The following ZDHHC9 variants were observed in gnomAD, a reference collection of about 807,000 sequenced individuals.
ZDHHC9 encodes the protein palmitoyltransferase ZDHHC9.
ZDHHC9 carries 3 observed loss-of-function variants against 26.6 expected under a neutral mutation model. That is an observed-to-expected ratio of 0.11 (90% CI 0.05 to 0.29). The LOEUF is 0.29. Among genes scored for constraint, ZDHHC9 ranks in the 10% least tolerant of loss-of-function variants. ZDHHC9 has a pLI of 1.00. For missense variants in ZDHHC9, 146 were observed against 296.4 expected, an observed-to-expected ratio of 0.49 and a Z score of 3.73; for synonymous variants, 111 against 109.4, an observed-to-expected ratio of 1.01 and a Z score of -0.09.
At chrX:129,829,695 T>C (rs1928099224) in intron 3 of ZDHHC9, among the ~76,000 whole-genome samples, 1 of 111,980 alleles carries the variant, frequency 8.9e-6, no homozygotes, top group African/African-American at 3.2e-5. Context: ...GCAACATCCA[T>C]TCCTCTGGTC....
chrX:129,808,333 A>C (rs1165482957), intron 10 of ZDHHC9, among the ~76,000 whole-genome samples: 1 of 112,501 alleles, frequency 8.9e-6, no homozygotes, highest in East Asian at 2.8e-4. Flanking sequence ...ACAATGCTAA[A>C]GTAATCAAGA....
At chrX:129,812,942 T>C (rs893706322) in intron 7 of ZDHHC9, 122 bp from the exon 8 acceptor site, 27 of 523,715 alleles carry the variant, frequency 5.2e-5, no homozygotes, top group African/African-American at 4.6e-4. Flanking sequence ...AAAAGCCATG[T>C]TTCCATATAT....
intron 3 of ZDHHC9, 69 bp from the exon 4 acceptor site, chrX:129,829,210 T>TTGACATACTG: frequency 8.9e-7 from 1 of 1,123,756 alleles, no homozygotes; most frequent in Non-Finnish European, 1.2e-6. Context: ...GTTACCAGTA[T>TTGACATACTG]GTCAATCTGG....
chrX:129,813,837 G>T, intron 6 of ZDHHC9, 112 bp from the exon 7 acceptor site: 1 of 706,145 alleles, frequency 1.4e-6, no homozygotes, highest in Non-Finnish European at 2.2e-6. Context: ...TTACACACTG[G>T]CAAGAGCTAA....
intron 5 of ZDHHC9, among the ~76,000 whole-genome samples, chrX:129,820,880 G>C (rs1200609222): frequency 9.0e-6 from 1 of 111,107 alleles, no homozygotes; most frequent in Non-Finnish European, 1.9e-5. Flanking sequence ...CATCACCTAG[G>C]TATTAAGCCC....
At chrX:129,821,677 A>C (rs1927890587) in intron 5 of ZDHHC9, among the ~76,000 whole-genome samples, 1 of 108,474 alleles carries the variant, frequency 9.2e-6, no homozygotes, top group Admixed American at 9.8e-5. Context: ...TAATCTCAGC[A>C]CTTTGGGAGG....
In ZDHHC9 at chrX:129,806,092, G is replaced by A; in HGVS notation, c.*278C>T. 1 of 350,280 alleles carries A rather than the reference G, an allele frequency of 2.9e-6. No individual in the cohort carries two copies. Among genetic ancestry groups the A allele is most frequent in the Non-Finnish European group, 5.1e-6 (1 of 197,101 alleles). The allele number at this position is 350,280 out of a possible 1,213,427, so 28.9% of individuals were successfully genotyped here. ...GGAGGGAAGAGAGGGGGTCCAAGGG[G>A]ACCCTGTGGCTGAGGCCATGGAGAA... On this transcript the variant is annotated 3_prime_UTR_variant, in exon 11 of 11. Coordinates refer to ENST00000357166, the MANE Select transcript of ZDHHC9 (RefSeq NM_016032.4).
At chrX:129,835,792 AAAAAGAAAAAG>A (rs1252253400) in intron 3 of ZDHHC9, among the ~76,000 whole-genome samples, 8 of 112,055 alleles carry the variant, frequency 7.1e-5, no homozygotes, top group Non-Finnish European at 1.1e-4. Flanking sequence ...TCAAAGAAAA[AAAAAGAAAAAG>A]AAAAGAAAAA....
At chrX:129,827,286 G>A (rs868221681) in intron 4 of ZDHHC9, among the ~76,000 whole-genome samples, 5 of 83,483 alleles carry the variant, frequency 6.0e-5, no homozygotes, top group African/African-American at 2.2e-4. Context: ...GAGGGAGGGA[G>A]GGAAGGAGGG....
At position 129,818,979 on chromosome X, in the gene ZDHHC9, T is replaced by C. The variant is rs751765265; in HGVS notation, c.488-4184A>G. ...CAAGGTCAGGAGATAGAGACCATCC[T>C]GGCTAACACGGTGAAATCCCGTCTC... On this transcript the variant is annotated intron_variant, in intron 5 of 10. Coordinates refer to ENST00000357166, the MANE Select transcript of ZDHHC9 (RefSeq NM_016032.4). Among the ~76,000 whole-genome samples the C allele has an allele frequency of 3.7e-5, 4 of 109,394 alleles. No individual in the cohort carries two copies. The East Asian group carries it at 1.1e-3, about 31-fold the overall frequency. 95.0% of individuals were successfully genotyped at this position (109,394 alleles called of 115,157 possible).
chrX:129,835,049 G>A (rs1355546316), intron 3 of ZDHHC9, among the ~76,000 whole-genome samples: 1 of 112,413 alleles, frequency 8.9e-6, no homozygotes, highest in Admixed American at 9.5e-5. Context: ...ATCCTCAAAA[G>A]ATGGGAGAGG....
rs1004432505 is a variant in ZDHHC9 at position 129,805,194 on chromosome X, G to C, written c.*1176C>G. 8.9e-6 allele frequency: 1 copy of C among 112,762 alleles called. No individual in the cohort carries two copies. Among genetic ancestry groups the C allele is most frequent in the Non-Finnish European group, 1.9e-5 (1 of 53,276 alleles). The allele number at this position is 112,762 out of a possible 1,213,427, so 9.3% of individuals were successfully genotyped here. A position where few individuals can be genotyped will look rare whatever the true frequency, so the allele number is the denominator to read the frequency against. On this transcript the variant is annotated 3_prime_UTR_variant, in exon 11 of 11. Coordinates refer to ENST00000357166, the MANE Select transcript of ZDHHC9 (RefSeq NM_016032.4). ...CTGCCGGTGGAAGTGCTGGAAGAGC[G>C]GGGCTTGGAGGAAGCCCCCAGTGTG...
rs1253526982 is a variant in ZDHHC9 at position 129,803,412 on chromosome X, C to T, written c.*2958G>A. 1 of 112,938 alleles carries T rather than the reference C, an allele frequency of 8.9e-6. No individual in the cohort carries two copies. Among genetic ancestry groups the T allele is most frequent in the Non-Finnish European group, 1.9e-5 (1 of 53,353 alleles). The allele number at this position is 112,938 out of a possible 1,213,427, so 9.3% of individuals were successfully genotyped here. ...GAGAGTGAAAAACCCCCAACACATA[C>T]ACATTTGTAGGCTCACACAAAAGTG... On this transcript the variant is annotated 3_prime_UTR_variant, in exon 11 of 11. Transcript: ENST00000357166.
intron 5 of ZDHHC9, among the ~76,000 whole-genome samples, chrX:129,819,172 C>CAAAAA (rs10555509): frequency 3.9e-4 from 14 of 36,074 alleles, no homozygotes; most frequent in African/African-American, 1.3e-3. Context: ...GCCTCCGTCT[C>CAAAAA]AAAAAAAAAA....
chrX:129,825,429 T>C (rs887136351), intron 4 of ZDHHC9, among the ~76,000 whole-genome samples: 1 of 111,965 alleles, frequency 8.9e-6, no homozygotes, highest in Non-Finnish European at 1.9e-5. Flanking sequence ...AAAATTGAGA[T>C]CATATTATAA....
intron 3 of ZDHHC9, among the ~76,000 whole-genome samples, chrX:129,839,742 C>T (rs768699306): frequency 1.8e-5 from 2 of 111,041 alleles, no homozygotes; most frequent in South Asian, 7.5e-4. Context: ...TACACAAGCA[C>T]GCACATCCAC....
At chrX:129,824,972 TA>T (rs1927979344) in intron 4 of ZDHHC9, among the ~76,000 whole-genome samples, 1 of 112,053 alleles carries the variant, frequency 8.9e-6, no homozygotes, top group Admixed American at 9.5e-5. Flanking sequence ...GTTACTGAAA[TA>T]AAAGTAATGC....
rs1359851152 is a variant in ZDHHC9, at chrX:129,805,898, C to T, written c.*472G>A. 1.6e-5 allele frequency: 2 copies of T among 124,388 alleles called. No individual in the cohort carries two copies. Among genetic ancestry groups the T allele is most frequent in the Non-Finnish European group, 3.3e-5 (2 of 60,596 alleles). The allele number at this position is 124,388 out of a possible 1,213,427, so 10.3% of individuals were successfully genotyped here. A position where few individuals can be genotyped will look rare whatever the true frequency, so the allele number is the denominator to read the frequency against. On this transcript the variant is annotated 3_prime_UTR_variant, in exon 11 of 11. Transcript: ENST00000357166. The stretch of plus-strand genomic sequence containing the variant: ...GAATCTTCTGACCCCACTCTCCCTC[C>T]TCTTCAGTCCTGAAGACCCCAAGAA...
At chrX:129,832,017 G>A (rs1295776150) in intron 3 of ZDHHC9, among the ~76,000 whole-genome samples, 2 of 109,881 alleles carry the variant, frequency 1.8e-5, no homozygotes, top group African/African-American at 3.3e-5. Flanking sequence ...AAATTGCTAG[G>A]AGAGTAGATT....
Sources: allele counts gnomAD v4.1 joint callset (sites outside exome capture counted in the v4.1 genomes callset), GRCh38; gene constraint gnomAD v4.1.1; transcripts MANE v1.5; gene names NCBI Gene and HGNC (gene_info 2026-07-23, HGNC 2026-07-21).